The following SLC22A9 variants were observed in gnomAD, a reference collection of about 807,000 sequenced individuals.
SLC22A9 encodes solute carrier family 22 member 9.
A neutral mutation model predicts 50.1 loss-of-function variants in SLC22A9; 64 were observed. That is an observed-to-expected ratio of 1.28 (90% CI 1.04 to 1.57). The LOEUF (loss-of-function observed/expected upper bound fraction) is 1.57, where lower values mean the gene tolerates loss of function less well. SLC22A9 is among the 40% of genes most tolerant of loss of function. SLC22A9 has a pLI of 0.00. For missense variants in SLC22A9, 757 were observed against 676.1 expected, an observed-to-expected ratio of 1.12 and a Z score of -1.33; for synonymous variants, 261 against 242.5, an observed-to-expected ratio of 1.08 and a Z score of -0.71.
intron 2 of SLC22A9, among the ~76,000 whole-genome samples, chr11:63,372,120 G>C (rs1201972837): frequency 6.6e-6 from 1 of 152,160 alleles, no homozygotes; most frequent in Non-Finnish European, 1.5e-5. Context: ...TAGATCACAG[G>C]GTGGTAAAAG....
chr11:63,384,063 A>G (rs2014617040), intron 6 of SLC22A9, among the ~76,000 whole-genome samples: 2 of 144,564 alleles, frequency 1.4e-5, no homozygotes, highest in Admixed American at 1.4e-4. Context: ...AAAAAAAAAA[A>G]AGAGGAACAA....
chr11:63,389,823 C>T (rs909367177), intron 6 of SLC22A9, among the ~76,000 whole-genome samples: 2 of 152,188 alleles, frequency 1.3e-5, no homozygotes, highest in Non-Finnish European at 2.9e-5. Flanking sequence ...TCCTATTTCT[C>T]CCCATCCTCA....
In SLC22A9 at chr11:63,408,708, C is replaced by T. The variant is rs764710214; in HGVS notation, c.1430C>T (p.Ala477Val). The change falls in exon 9 of 10, where the codon GCT (alanine) becomes GTT (valine). Residue 477 changes from alanine to valine, a missense_variant. By Grantham distance (64) the Ala-to-Val change is moderately conservative. Coordinates refer to ENST00000279178, the MANE Select transcript of SLC22A9 (RefSeq NM_080866.3). Reference protein sequence around the residue: ...ARAMGINATFANIAGALAPLM... With the variant: ...ARAMGINATFVNIAGALAPLM... ...GCTATGGGGATCAATGCAACCTTTG[C>T]TAATATAGCAGGAGCCCTGGCTCCC... The T allele has an allele frequency of 4.3e-6, 7 of 1,613,800 alleles. No homozygotes were observed. The East Asian group carries it at 8.9e-5, about 21-fold the overall frequency.
chr11:63,381,513 G>A (rs1057011045), intron 5 of SLC22A9, among the ~76,000 whole-genome samples: 4 of 152,060 alleles, frequency 2.6e-5, no homozygotes, highest in Non-Finnish European at 4.4e-5. Context: ...AGTGTTCTGG[G>A]CACTTGAGAA....
At position 63,370,095 on chromosome 11, in the gene SLC22A9, G is replaced by T. The variant is rs1199171521; in HGVS notation, c.39G>T (p.Leu13=). The change falls in exon 1 of 10, where the codon CTG becomes CTT. Residue 13 remains leucine, a synonymous_variant. Transcript: ENST00000279178. ...FQDLLGHAGD[L]WRFQILQTVF... ...ACCTCCTGGGTCACGCTGGTGACCT[G>T]TGGAGATTCCAGATCCTTCAGACTG... 6.2e-7 allele frequency: 1 copy of T among 1,613,832 alleles called. No homozygotes were observed.
At chr11:63,400,894 G>A (rs1177340337) in intron 6 of SLC22A9, among the ~76,000 whole-genome samples, 1 of 152,020 alleles carries the variant, frequency 6.6e-6, no homozygotes, top group Non-Finnish European at 1.5e-5. Context: ...TAGGATCAAG[G>A]ACAAAAATAT....
chr11:63,371,183 G>A lies in SLC22A9; in HGVS notation c.451G>A (p.Val151Ile). The A allele has an allele frequency of 6.2e-7, 1 of 1,613,422 alleles. No homozygotes were observed. Among genetic ancestry groups the A allele is most frequent in the Non-Finnish European group, 8.5e-7 (1 of 1,179,560 alleles). Residue 151 changes from valine (V) to isoleucine (I), a missense_variant, in exon 2 of 10, where the codon GTA (valine) becomes ATA (isoleucine). By Grantham distance (29) the Val-to-Ile change is conservative (BLOSUM62 3). Transcript: ENST00000279178. Reference protein sequence around the residue: ...SQSLTSVAKFVFMAGMMVGGI... With the variant: ...SQSLTSVAKFIFMAGMMVGGI... Reference sequence around the variant, plus strand: ...ATCACTGACTTCAGTGGCTAAATTTGTATTCATGGCTGGAATGATGGTGGG... The same window carrying A: ...ATCACTGACTTCAGTGGCTAAATTTATATTCATGGCTGGAATGATGGTGGG...
At position 63,375,665 on chromosome 11, in the gene SLC22A9, G is replaced by A. The variant is rs201479912; in HGVS notation, c.851G>A (p.Arg284Gln). Residue 284 changes from arginine to glutamine, a missense_variant, in exon 5 of 10, where the codon CGG (arginine) becomes CAG (glutamine). Coordinates refer to ENST00000279178, the MANE Select transcript of SLC22A9 (RefSeq NM_080866.3). ...GTCAGTTGGCTGCTAGAGTCTGCTC[G>A]GTGGCTCATTATCAACAATAAACCA... ...LTSSWLLESARWLIINNKPEE... is the reference protein window; with the variant it reads ...LTSSWLLESAQWLIINNKPEE... 1.2e-5 allele frequency: 19 copies of A among 1,612,342 alleles called. No homozygotes were observed. Among genetic ancestry groups the A allele is most frequent in the African/African-American group, 5.3e-5 (4 of 74,924 alleles).
At chr11:63,380,990 C>T (rs1318748507) in intron 5 of SLC22A9, among the ~76,000 whole-genome samples, 1 of 152,078 alleles carries the variant, frequency 6.6e-6, no homozygotes, top group African/African-American at 2.4e-5. Flanking sequence ...TTATGAAATG[C>T]AATTGAAGCT....
At position 63,378,652 on chromosome 11, in the gene SLC22A9, G is replaced by A. The variant is rs1005158155; in HGVS notation, c.954+2884G>A. 1.2e-4 allele frequency among the ~76,000 whole-genome samples: 18 copies of A among 152,122 alleles called. No individual in the cohort carries two copies. The South Asian group carries it at 3.3e-3, about 28-fold the overall frequency. On this transcript the variant is annotated intron_variant, in intron 5 of 9. Coordinates refer to ENST00000279178, the MANE Select transcript of SLC22A9 (RefSeq NM_080866.3). ...TTGTAGCCCAAAAGCTCCTTGATCT[G>A]GTAAACAATTTTAGCAAAGTTTCAG...
chr11:63,396,050 T>C (rs938728219), intron 6 of SLC22A9, among the ~76,000 whole-genome samples: 8 of 152,118 alleles, frequency 5.3e-5, no homozygotes, highest in Non-Finnish European at 1.2e-4. Flanking sequence ...CTCACTCCCA[T>C]TGTGTCCCAC....
At chr11:63,396,905 T>C (rs750443850) in intron 6 of SLC22A9, among the ~76,000 whole-genome samples, 44 of 152,318 alleles carry the variant, frequency 2.9e-4, no homozygotes, top group Non-Finnish European at 4.9e-4. Flanking sequence ...TAATGTTTCC[T>C]GGATGGTGCT....
intron 6 of SLC22A9, among the ~76,000 whole-genome samples, chr11:63,395,725 C>T (rs533386668): frequency 2.6e-5 from 4 of 152,224 alleles, no homozygotes; most frequent in African/African-American, 9.6e-5. Flanking sequence ...TTCCAGAGAA[C>T]ATCAGCTGTG....
intron 5 of SLC22A9, among the ~76,000 whole-genome samples, chr11:63,378,912 A>G (rs2119891219): frequency 6.6e-6 from 1 of 152,344 alleles, no homozygotes; most frequent in South Asian, 2.1e-4. Context: ...ATGGATATGA[A>G]GAATCAATAT....
intron 6 of SLC22A9, among the ~76,000 whole-genome samples, chr11:63,382,491 C>T (rs1045504587): frequency 2.0e-5 from 3 of 152,196 alleles, no homozygotes; most frequent in Admixed American, 6.6e-5. Flanking sequence ...TCGCAACACC[C>T]TATCAGGCTC....
At chr11:63,389,659 T>C (rs2014729040) in intron 6 of SLC22A9, among the ~76,000 whole-genome samples, 1 of 152,204 alleles carries the variant, frequency 6.6e-6, no homozygotes, top group South Asian at 2.1e-4. Flanking sequence ...CATGTGTCTT[T>C]ATAGTAGAAT....
chr11:63,392,936 G>A (rs1299791304), intron 6 of SLC22A9, among the ~76,000 whole-genome samples: 6 of 152,024 alleles, frequency 3.9e-5, no homozygotes, highest in Non-Finnish European at 7.4e-5. Context: ...ATCCAGATTT[G>A]TTCTTTTTGC....
chr11:63,405,945 C>A (rs1173917508), intron 6 of SLC22A9, among the ~76,000 whole-genome samples: 2 of 152,180 alleles, frequency 1.3e-5, no homozygotes, highest in African/African-American at 4.8e-5. Flanking sequence ...GTCTTACCAT[C>A]ATTTTACGAT....
In SLC22A9 at chr11:63,370,124, T is replaced by C. The variant is rs2014322736; in HGVS notation, c.68T>C (p.Phe23Ser). The change falls in exon 1 of 10, where the codon TTT becomes TCT. Residue 23 changes from phenylalanine to serine, a missense_variant. Phe to Ser is a radical substitution (Grantham distance 155). Transcript: ENST00000279178. The stretch of plus-strand genomic sequence containing the variant: ...AGATTCCAGATCCTTCAGACTGTTT[T>C]TCTCTCAATCTTTGCTGTTGCTACA... ...LWRFQILQTV[F>S]LSIFAVATYL... 1.9e-6 allele frequency: 3 copies of C among 1,613,902 alleles called. No homozygotes were observed. The highest frequency in any genetic ancestry group is 1.7e-6 in the Non-Finnish European group (2 of 1,179,922).
Sources: gnomAD v4.1 joint callset for allele counts (sites outside exome capture counted in the v4.1 genomes callset) on GRCh38, gnomAD v4.1.1 for gene constraint, MANE v1.5 for transcripts, NCBI Gene and HGNC (gene_info 2026-07-23, HGNC 2026-07-21) for gene names.